Variants in GRID2 observed in about 807,000 individuals in gnomAD.
The protein encoded by GRID2 is glutamate receptor ionotropic, delta-2.
A neutral mutation model predicts 114.8 loss-of-function variants in GRID2; 33 were observed. That is an observed-to-expected ratio of 0.29 (90% CI 0.22 to 0.38). The LOEUF is 0.38. Ranked by LOEUF, GRID2 falls within the 10% of genes least tolerant of loss-of-function variation. The probability of loss-of-function intolerance (pLI) is 1.00; values close to 1 mark genes in which losing one functional copy is unlikely to be tolerated. For missense variants in GRID2, 1,184 were observed against 1,257.7 expected (o/e 0.94, Z 0.89); for synonymous variants, 505 against 449.9 (o/e 1.12, Z -1.55).
chr4:93,083,479 ATCAGGAGT>A (rs1319693188), intron 2 of GRID2, among the ~76,000 whole-genome samples: 1 of 151,780 alleles, frequency 6.6e-6, no homozygotes, highest in Non-Finnish European at 1.5e-5. Flanking sequence ...GGATCACAAC[ATCAGGAGT>A]TCCAGACCAG....
intron 13 of GRID2, among the ~76,000 whole-genome samples, chr4:93,623,373 G>A (rs1742395234): frequency 6.6e-6 from 1 of 151,756 alleles, no homozygotes; most frequent in South Asian, 2.1e-4. Flanking sequence ...TGTTCTCATT[G>A]TTCATGTGGT....
intron 1 of GRID2, among the ~76,000 whole-genome samples, chr4:92,380,266 A>G (rs760411248): frequency 3.7e-4 from 56 of 151,960 alleles, no homozygotes; most frequent in Non-Finnish European, 7.2e-4. Context: ...GAAAGAGTAC[A>G]TCTATTTGAA....
chr4:92,666,038 C>T (rs1336427816), intron 2 of GRID2, among the ~76,000 whole-genome samples: 8 of 151,384 alleles, frequency 5.3e-5, no homozygotes, highest in Middle Eastern at 3.4e-3. Flanking sequence ...TCGGAGACTA[C>T]TATAATGTGT....
rs1159829412 is a variant in GRID2 at position 92,562,713 on chromosome 4, G to A, written c.89-27418G>A. 5.3e-5 allele frequency among the ~76,000 whole-genome samples: 8 copies of A among 152,048 alleles called. No individual in the cohort carries two copies. The South Asian group carries it at 1.0e-3, about 20-fold the overall frequency. ...AACCTGGGCTTTGGAGTCCAAACTG[G>A]ATTTGAATCTTGGCTCTCCAAACCA... On this transcript the variant is annotated intron_variant, in intron 1 of 15. Coordinates refer to ENST00000282020, the MANE Select transcript of GRID2 (RefSeq NM_001510.4).
In GRID2 at chr4:93,677,094, C is replaced by T. The variant is rs116767063; in HGVS notation, c.2360+50659C>T. Reference sequence around the variant, plus strand: ...CCACCCAAATACTGCGCTTTCCCTACGGGCTTAGGAAATGGCCCACCAGGA... The same window carrying T: ...CCACCCAAATACTGCGCTTTCCCTATGGGCTTAGGAAATGGCCCACCAGGA... On this transcript the variant is annotated intron_variant, in intron 14 of 15. Transcript: ENST00000282020. Among the ~76,000 whole-genome samples, 708 of 152,298 alleles carry T rather than the reference C, an allele frequency of 4.6e-3. 4 individuals are homozygous for T. Among genetic ancestry groups the T allele is most frequent in the Middle Eastern group, 0.017 (5 of 294 alleles).
intron 2 of GRID2, among the ~76,000 whole-genome samples, chr4:93,043,878 C>T (rs886382448): frequency 6.6e-6 from 1 of 151,556 alleles, no homozygotes; most frequent in South Asian, 2.1e-4. Context: ...CAAACCTGCA[C>T]GTTGTGCACA....
chr4:93,259,480 C>A (rs1409465277), intron 8 of GRID2, among the ~76,000 whole-genome samples: 1 of 151,738 alleles, frequency 6.6e-6, no homozygotes, highest in East Asian at 1.9e-4. Flanking sequence ...TATGTCAAAT[C>A]TTACCAAATG....
At chr4:93,262,377 C>T (rs1019249582) in intron 8 of GRID2, among the ~76,000 whole-genome samples, 3 of 151,818 alleles carry the variant, frequency 2.0e-5, no homozygotes, top group Non-Finnish European at 2.9e-5. Context: ...AAGCTGAGAA[C>T]GTAAACCATA....
In GRID2 at chr4:92,668,277, T is replaced by C. The variant is rs540597330; in HGVS notation, c.244+77991T>C. On this transcript the variant is annotated intron_variant, in intron 2 of 15. Coordinates refer to ENST00000282020, the MANE Select transcript of GRID2 (RefSeq NM_001510.4). ...TAAGGTGAAATGAATGTCCATACTTTTTAATGTTATCTTCCTCAATCTTTT... is the reference window on the plus strand; with the variant it reads ...TAAGGTGAAATGAATGTCCATACTTCTTAATGTTATCTTCCTCAATCTTTT... Among the ~76,000 whole-genome samples the C allele has an allele frequency of 1.3e-4, 20 of 151,932 alleles. No individual in the cohort carries two copies. In the South Asian group the frequency reaches 2.9e-3, roughly 22 times the overall value.
At chr4:92,921,091 C>T (rs1194499565) in intron 2 of GRID2, among the ~76,000 whole-genome samples, 1 of 152,008 alleles carries the variant, frequency 6.6e-6, no homozygotes, top group African/African-American at 2.4e-5. Context: ...AGCTTCATTT[C>T]ATTCATTTCA....
intron 2 of GRID2, among the ~76,000 whole-genome samples, chr4:92,785,021 G>A (rs926782541): frequency 2.0e-5 from 3 of 150,474 alleles, no homozygotes; most frequent in African/African-American, 7.3e-5. Flanking sequence ...TGTCTGAAAG[G>A]CCATTTAAAA....
At chr4:92,395,781 T>C (rs886355625) in intron 1 of GRID2, among the ~76,000 whole-genome samples, 18 of 151,830 alleles carry the variant, frequency 1.2e-4, no homozygotes, top group African/African-American at 4.3e-4. Context: ...GAGAGTTGGG[T>C]GGGATTATTC....
chr4:93,083,312 T>C (rs898789597), intron 2 of GRID2, among the ~76,000 whole-genome samples: 3 of 152,078 alleles, frequency 2.0e-5, no homozygotes, highest in East Asian at 1.9e-4. Flanking sequence ...TATACACTTA[T>C]ATTATTTTCT....
intron 13 of GRID2, among the ~76,000 whole-genome samples, chr4:93,621,181 C>T (rs1742187887): frequency 6.6e-6 from 1 of 152,030 alleles, no homozygotes; most frequent in African/African-American, 2.4e-5. Flanking sequence ...GGAACAAAAC[C>T]TAGCTCCTAG....
At chr4:92,894,321 A>G (rs1243898829) in intron 2 of GRID2, among the ~76,000 whole-genome samples, 2 of 152,090 alleles carry the variant, frequency 1.3e-5, no homozygotes, top group East Asian at 3.9e-4. Flanking sequence ...CAGTGACTGA[A>G]TATGATATTT....
chr4:92,723,561 T>C (rs1735913969), intron 2 of GRID2, among the ~76,000 whole-genome samples: 1 of 152,198 alleles, frequency 6.6e-6, no homozygotes, highest in South Asian at 2.1e-4. Context: ...TCACCTTTCC[T>C]GTCTTTAATA....
chr4:92,333,513 G>T (rs1028338134), intron 1 of GRID2, among the ~76,000 whole-genome samples: 7 of 152,038 alleles, frequency 4.6e-5, no homozygotes, highest in African/African-American at 1.7e-4. Context: ...ATGGTTGCTT[G>T]GACACTCTTG....
At chr4:92,776,602 T>C (rs1429751901) in intron 2 of GRID2, among the ~76,000 whole-genome samples, 1 of 151,988 alleles carries the variant, frequency 6.6e-6, no homozygotes, top group African/African-American at 2.4e-5. Context: ...CGTTTTTAAC[T>C]TTTATAATTA....
At chr4:92,532,165 G>C (rs1441322247) in intron 1 of GRID2, among the ~76,000 whole-genome samples, 1 of 152,102 alleles carries the variant, frequency 6.6e-6, no homozygotes, top group Non-Finnish European at 1.5e-5. Context: ...TTCAGTTAGA[G>C]TTTAAATTAT....
Sources: gnomAD v4.1 joint callset for allele counts (sites outside exome capture counted in the v4.1 genomes callset) on GRCh38, gnomAD v4.1.1 for gene constraint, MANE v1.5 for transcripts, NCBI Gene and HGNC (gene_info 2026-07-23, HGNC 2026-07-21) for gene names.